Variants in BZW1 observed in about 807,000 individuals in gnomAD.
The protein encoded by BZW1 is basic leucine zipper and W2 domains 1, also known as eIF5-mimic protein 2.
BZW1 carries 3 observed loss-of-function variants against 54.1 expected under a neutral mutation model. The ratio of observed to expected loss-of-function variants is 0.06; its 90% CI spans 0.03 to 0.14. The LOEUF (loss-of-function observed/expected upper bound fraction) is 0.14. BZW1 is among the 10% of genes least tolerant of loss of function. The pLI is 1.00. For synonymous variants in BZW1, 152 were observed against 162.7 expected (o/e 0.93, Z 0.50); for missense variants, 206 against 491.7 (o/e 0.42, Z 5.50).
At chr2:200,822,069 A>C in intron 11 of BZW1, 78 bp from the exon 12 acceptor site, 1 of 1,368,968 alleles carries the variant, frequency 7.3e-7, no homozygotes, top group African/African-American at 1.4e-5. Flanking sequence ...ACTCTGTCTT[A>C]AAGAAGCTTC....
chr2:200,816,868 A>G (rs931476007), intron 5 of BZW1, among the ~76,000 whole-genome samples: 2 of 152,146 alleles, frequency 1.3e-5, no homozygotes, highest in East Asian at 1.9e-4. Context: ...AATTCACTCA[A>G]TGTTTATAAA....
rs1192675904 is a variant in BZW1, at chr2:200,819,066, T to C, written c.966+165T>C. 6.1e-6 allele frequency: 5 copies of C among 824,468 alleles called. No individual in the cohort carries two copies. The East Asian group carries it at 1.3e-4, about 21-fold the overall frequency. The allele number at this position is 824,468 out of a possible 1,614,324, so 51.1% of individuals were successfully genotyped here. ...ACATTAGCTATTGATGATAATGCTCTGAATTGGGCTGTGGTTCACAGGTTA... is the reference window on the plus strand; with the variant it reads ...ACATTAGCTATTGATGATAATGCTCCGAATTGGGCTGTGGTTCACAGGTTA... On this transcript the variant is annotated intron_variant, in intron 9 of 11. Transcript: ENST00000409600.
rs1368850578 is a variant in BZW1, at chr2:200,822,284, A to T, written c.*106A>T. 3 of 965,268 alleles carry T rather than the reference A, an allele frequency of 3.1e-6. No homozygotes were observed. Among genetic ancestry groups the T allele is most frequent in the South Asian group, 1.5e-5 (1 of 64,518 alleles). The allele number at this position is 965,268 out of a possible 1,614,324, so 59.8% of individuals were successfully genotyped here. A position where few individuals can be genotyped will look rare whatever the true frequency, so the allele number is the denominator to read the frequency against. The stretch of plus-strand genomic sequence containing the variant: ...TTCCTACCTCCCTGTATCAAGCATG[A>T]TATAAGGGCTTTCATGGCAAATTTT... On this transcript the variant is annotated 3_prime_UTR_variant, in exon 12 of 12. Transcript: ENST00000409600.
At chr2:200,820,459 C>T (rs369264680) in intron 10 of BZW1, among the ~76,000 whole-genome samples, 188 of 152,232 alleles carry the variant, frequency 1.2e-3, no homozygotes, top group Non-Finnish European at 1.8e-3. Context: ...GCTGGAGGAT[C>T]GCTTGAGCCC....
intron 2 of BZW1, 36 bp from the exon 3 acceptor site, chr2:200,815,305 T>A (rs773042803): frequency 6.4e-7 from 1 of 1,556,280 alleles, no homozygotes; most frequent in East Asian, 2.3e-5. Context: ...GGTAAATCTT[T>A]TAAAACTAAA....
chr2:200,825,843 T>TAACA lies in BZW1; in HGVS notation c.*3666_*3667insACAA, dbSNP rs2038675815. 1 of 152,242 alleles carries TAACA rather than the reference T, an allele frequency of 6.6e-6. No homozygotes were observed. The highest frequency in any genetic ancestry group is 6.5e-5 in the Admixed American group (1 of 15,284). The allele number at this position is 152,242 out of a possible 1,614,324, so 9.4% of individuals were successfully genotyped here. A position where few individuals can be genotyped will look rare whatever the true frequency, so the allele number is the denominator to read the frequency against. The stretch of plus-strand genomic sequence containing the variant: ...ATGCCAAAGTTTTAGTGTACAGTGT[T>TAACA]ACTTAAATTACCAAATTACCTTTGT... On this transcript the variant is annotated 3_prime_UTR_variant, in exon 12 of 12. Coordinates refer to ENST00000409600, the MANE Select transcript of BZW1 (RefSeq NM_001207067.2).
At position 200,815,737 on chromosome 2, in the gene BZW1, A is replaced by G. The variant is rs1378601514; in HGVS notation, c.312A>G (p.Leu104=). 4 of 1,580,758 alleles carry G rather than the reference A, an allele frequency of 2.5e-6. No individual in the cohort carries two copies. Among genetic ancestry groups the G allele is most frequent in the Admixed American group, 3.7e-5 (2 of 54,116 alleles). The change falls in exon 4 of 12, where the codon CTA becomes CTG. Residue 104 remains leucine (L), a synonymous_variant. Coordinates refer to ENST00000409600, the MANE Select transcript of BZW1 (RefSeq NM_001207067.2). The part of the protein sequence containing the change: ...DVCVFAAQED[L]ETMQAFAQVF... ...GCGTGTTTGCAGCCCAAGAAGATCT[A>G]GAGACCATGCAAGCATTTGCTCAGG...
Position 200,815,337 on chromosome 2 carries a change from C to T in BZW1, c.65-4C>T. On this transcript the variant is annotated splice_polypyrimidine_tract_variant and splice_region_variant and intron_variant, in intron 2 of 11. Coordinates refer to ENST00000409600, the MANE Select transcript of BZW1 (RefSeq NM_001207067.2). ...TAAATGTTTTGGGTCCCTTGTCCCC[C>T]CAGATGAAAAAGAGAGGTTTGACCC... The T allele has an allele frequency of 6.3e-7, 1 of 1,589,206 alleles. No individual in the cohort carries two copies. Among genetic ancestry groups the T allele is most frequent in the Non-Finnish European group, 8.6e-7 (1 of 1,166,456 alleles).
At position 200,822,127 on chromosome 2, in the gene BZW1, G is replaced by GT. The variant is rs762446462; in HGVS notation, c.1229-13dup. 4.4e-6 allele frequency: 7 copies of GT among 1,598,256 alleles called. No homozygotes were observed. The highest frequency in any genetic ancestry group is 2.2e-5 in the East Asian group (1 of 44,706). On this transcript the variant is annotated intron_variant, in intron 11 of 11. Transcript: ENST00000409600. Reference sequence around the variant, plus strand: ...GCCTTCTGATACATAATGTTTGACTGTTTTTTTCCCCTTTTCTAGAATCTG... The same window carrying GT: ...GCCTTCTGATACATAATGTTTGACTGTTTTTTTTCCCCTTTTCTAGAATCTG...
At chr2:200,812,595 A>C in intron 1 of BZW1, 2 of 1,385,428 alleles carry the variant, frequency 1.4e-6, no homozygotes, top group Non-Finnish European at 9.5e-7. Context: ...GAGGCATGGG[A>C]AGGGTGTGGA....
At position 200,827,255 on chromosome 2, in the gene BZW1, G is replaced by A. The variant is rs2038725600; in HGVS notation, c.*5077G>A. ...GTAATTCTATTGCTGCGTTATTTCT[G>A]TGTTTAACTGTGAAACTTGCTTCTT... On this transcript the variant is annotated 3_prime_UTR_variant, in exon 12 of 12. Transcript: ENST00000409600. 6.6e-6 allele frequency: 1 copy of A among 152,140 alleles called. No homozygotes were observed. Among genetic ancestry groups the A allele is most frequent in the Admixed American group, 6.5e-5 (1 of 15,272 alleles). The allele number at this position is 152,140 out of a possible 1,614,324, so 9.4% of individuals were successfully genotyped here.
intron 2 of BZW1, 160 bp downstream of exon 2, chr2:200,813,441 A>G (rs929050880): frequency 8.3e-5 from 51 of 616,028 alleles, no homozygotes; most frequent in Admixed American, 3.1e-5. Flanking sequence ...CACCTTTAAT[A>G]TTTCTACTGC....
intron 6 of BZW1, 126 bp from the exon 7 acceptor site, chr2:200,817,848 A>G (rs982262939): frequency 1.6e-6 from 1 of 644,262 alleles, no homozygotes; most frequent in East Asian, 2.8e-5. Flanking sequence ...AGGAAAGTTC[A>G]GGGTTAAGTT....
chr2:200,812,966 G>C, intron 1 of BZW1: 1 of 680,250 alleles, frequency 1.5e-6, no homozygotes, highest in Non-Finnish European at 2.8e-6. Flanking sequence ...CTACAATGTC[G>C]CTTAAAAGTA....
intron 1 of BZW1, chr2:200,812,362 G>C: frequency 2.3e-6 from 3 of 1,280,576 alleles, no homozygotes; most frequent in Non-Finnish European, 3.0e-6. Context: ...ACCCACCACC[G>C]CTGCGGCCGC....
intron 9 of BZW1, among the ~76,000 whole-genome samples, chr2:200,819,556 T>G (rs1278792330): frequency 6.6e-6 from 1 of 152,074 alleles, no homozygotes; most frequent in East Asian, 1.9e-4. Context: ...GCTACTTAGA[T>G]TTTCTGCTTT....
chr2:200,812,617 G>T (rs1026485321), intron 1 of BZW1: 20 of 1,338,738 alleles, frequency 1.5e-5, no homozygotes, highest in Non-Finnish European at 1.8e-5. Flanking sequence ...TGGGAGACAC[G>T]TTACCGGGGA....
chr2:200,813,410 C>T (rs2038163166), intron 2 of BZW1, 129 bp downstream of exon 2: 2 of 761,294 alleles, frequency 2.6e-6, no homozygotes, highest in Non-Finnish European at 4.2e-6. Context: ...TTGAATTTCT[C>T]GTTGACTGCC....
intron 6 of BZW1, among the ~76,000 whole-genome samples, chr2:200,817,462 A>G (rs1214447285): frequency 1.3e-5 from 2 of 152,212 alleles, no homozygotes; most frequent in Non-Finnish European, 2.9e-5. Flanking sequence ...TTTAGACAAA[A>G]TGTTGTTATA....
Sources: allele counts gnomAD v4.1 joint callset (sites outside exome capture counted in the v4.1 genomes callset), GRCh38; gene constraint gnomAD v4.1.1; transcripts MANE v1.5; gene names NCBI Gene and HGNC (gene_info 2026-07-23, HGNC 2026-07-21).